Variants in SPOCK3 observed in about 807,000 individuals in gnomAD.
SPOCK3 encodes the protein SPARC (osteonectin), cwcv and kazal like domains proteoglycan 3.
SPOCK3 carries 30 observed loss-of-function variants against 56.6 expected under a neutral mutation model. The observed-to-expected ratio is 0.53, with a 90% CI of 0.40 to 0.72. The LOEUF is 0.72. SPOCK3 is among the 30% of genes least tolerant of loss of function. The probability of loss-of-function intolerance (pLI) is 0.00; values close to 1 mark genes in which losing one functional copy is unlikely to be tolerated. For synonymous variants in SPOCK3, 196 were observed against 183.3 expected, an observed-to-expected ratio of 1.07 and a Z score of -0.56; for missense variants, 527 against 530.0, an observed-to-expected ratio of 0.99 and a Z score of 0.06.
chr4:167,168,627 C>G (rs1174099076), intron 2 of SPOCK3, among the ~76,000 whole-genome samples: 1 of 152,180 alleles, frequency 6.6e-6, no homozygotes, highest in African/African-American at 2.4e-5. Context: ...AAAGGAGAAG[C>G]AGGGCATACA....
rs541632912 is a variant in SPOCK3, at chr4:166,767,642, G to C, written c.710-12913C>G. Among the ~76,000 whole-genome samples the C allele has an allele frequency of 8.1e-4, 124 of 152,310 alleles. No individual in the cohort carries two copies. The South Asian group carries it at 0.02, about 24-fold the overall frequency. ...TGAATTTTGGAATAAGTGCCATGTG[G>C]TGCTGAGAAGAATGTATATTCTGTT... On this transcript the variant is annotated intron_variant, in intron 7 of 10. Transcript: ENST00000357545.
chr4:167,063,771 G>C (rs933572935), intron 2 of SPOCK3, among the ~76,000 whole-genome samples: 3 of 151,720 alleles, frequency 2.0e-5, no homozygotes, highest in Admixed American at 6.6e-5. Context: ...GAGAACATGA[G>C]GTATTTGACT....
chr4:166,988,133 T>C (rs1297147264), intron 4 of SPOCK3, among the ~76,000 whole-genome samples: 1 of 152,104 alleles, frequency 6.6e-6, no homozygotes, highest in Admixed American at 6.6e-5. Flanking sequence ...ATGATGGTTC[T>C]AGAGCTGAGA....
chr4:167,007,051 C>G (rs1237833623), intron 3 of SPOCK3, among the ~76,000 whole-genome samples: 3 of 152,158 alleles, frequency 2.0e-5, no homozygotes, highest in Non-Finnish European at 4.4e-5. Flanking sequence ...TTCTCCATCA[C>G]CAGAGCCTTC....
chr4:167,099,308 A>G lies in SPOCK3; in HGVS notation c.190-36771T>C, dbSNP rs145864625. Among the ~76,000 whole-genome samples the G allele has an allele frequency of 1.7e-3, 264 of 152,138 alleles. 2 individuals carry two copies. Among genetic ancestry groups the G allele is most frequent in the African/African-American group, 5.8e-3 (240 of 41,564 alleles). Reference sequence around the variant, plus strand: ...ATATTTTAAAATATTGGAATTAAATATAGCAGATCTAACAGCATATATAAT... The same window carrying G: ...ATATTTTAAAATATTGGAATTAAATGTAGCAGATCTAACAGCATATATAAT... On this transcript the variant is annotated intron_variant, in intron 2 of 10. Coordinates refer to ENST00000357545, the MANE Select transcript of SPOCK3 (RefSeq NM_001040159.2).
chr4:166,794,210 C>CAAAAAAAAAAA (rs10710162), intron 6 of SPOCK3, among the ~76,000 whole-genome samples: 2 of 73,612 alleles, frequency 2.7e-5, no homozygotes, highest in East Asian at 4.3e-4. Flanking sequence ...GGTGATAAGG[C>CAAAAAAAAAAA]AAAAAAAAAA....
intron 6 of SPOCK3, among the ~76,000 whole-genome samples, chr4:166,833,997 G>A (rs763968590): frequency 5.9e-5 from 9 of 152,108 alleles, no homozygotes; most frequent in Admixed American, 2.6e-4. Context: ...TGGCTAAGAC[G>A]GTTTCCAATA....
At chr4:167,053,864 C>A (rs553306437) in intron 3 of SPOCK3, among the ~76,000 whole-genome samples, 1 of 151,992 alleles carries the variant, frequency 6.6e-6, no homozygotes, top group African/African-American at 2.4e-5. Flanking sequence ...ACTTCTTGCC[C>A]CTAATTCAAC....
chr4:167,064,458 C>A (rs910012330), intron 2 of SPOCK3, among the ~76,000 whole-genome samples: 4 of 151,712 alleles, frequency 2.6e-5, no homozygotes, highest in African/African-American at 9.7e-5. Flanking sequence ...ATTAGACTTT[C>A]AAATTAAATT....
chr4:166,953,484 G>C (rs1329545920), intron 4 of SPOCK3, among the ~76,000 whole-genome samples: 2 of 151,450 alleles, frequency 1.3e-5, no homozygotes, highest in South Asian at 4.2e-4. Context: ...TACACTGTTG[G>C]TGGGACTGTA....
At chr4:166,899,456 G>A (rs981606871) in intron 5 of SPOCK3, among the ~76,000 whole-genome samples, 12 of 151,006 alleles carry the variant, frequency 7.9e-5, no homozygotes, top group African/African-American at 1.5e-4. Context: ...CAGAAGAGAT[G>A]GCTGATAAAC....
intron 2 of SPOCK3, among the ~76,000 whole-genome samples, chr4:167,134,105 T>C (rs960723305): frequency 6.8e-6 from 1 of 146,184 alleles, no homozygotes; most frequent in Non-Finnish European, 1.5e-5. Flanking sequence ...CTTGGCTCAC[T>C]GCAACCTCCG....
At chr4:166,958,785 T>A (rs1473368974) in intron 4 of SPOCK3, among the ~76,000 whole-genome samples, 1 of 152,158 alleles carries the variant, frequency 6.6e-6, no homozygotes, top group Non-Finnish European at 1.5e-5. Context: ...GAACCTAAGG[T>A]CTGTGATGGC....
intron 3 of SPOCK3, among the ~76,000 whole-genome samples, chr4:167,055,020 G>A (rs1754639668): frequency 6.6e-6 from 1 of 152,038 alleles, no homozygotes; most frequent in Non-Finnish European, 1.5e-5. Flanking sequence ...GCTTTATGGT[G>A]CATTCTATGG....
chr4:167,225,560 T>G (rs2111140399), intron 2 of SPOCK3, among the ~76,000 whole-genome samples: 1 of 152,190 alleles, frequency 6.6e-6, no homozygotes, highest in South Asian at 2.1e-4. Flanking sequence ...TTAAGCAAAA[T>G]TATATAATCA....
chr4:167,112,790 C>T (rs1476398130), intron 2 of SPOCK3, among the ~76,000 whole-genome samples: 2 of 151,598 alleles, frequency 1.3e-5, no homozygotes, highest in Non-Finnish European at 2.9e-5. Context: ...GGAGAGACCC[C>T]ATCAAAAATT....
Position 167,168,223 on chromosome 4 carries a change from G to A in SPOCK3, c.189+65762C>T, listed in dbSNP as rs186666599. On this transcript the variant is annotated intron_variant, in intron 2 of 10. Transcript: ENST00000357545. ...CAGTAAATTGGTACTGGTAGAGTGC[G>A]GTGCTGCTGTAAATATACCCAAAAA... is the stretch of plus-strand genomic sequence containing the variant. 1.8e-4 allele frequency among the ~76,000 whole-genome samples: 27 copies of A among 152,226 alleles called. No homozygotes were observed. The East Asian group carries it at 3.7e-3, about 21-fold the overall frequency.
chr4:167,062,365 T>A, intron 3 of SPOCK3, 127 bp downstream of exon 3: 1 of 566,224 alleles, frequency 1.8e-6, no homozygotes, highest in Non-Finnish European at 3.0e-6. Flanking sequence ...ATTGCACAAA[T>A]TTTTCCATTC....
At chr4:166,748,651 T>C (rs1446187559) in intron 8 of SPOCK3, among the ~76,000 whole-genome samples, 1 of 137,184 alleles carries the variant, frequency 7.3e-6, no homozygotes, top group Admixed American at 7.0e-5. Flanking sequence ...CTAATTAAAC[T>C]TAAGATCTTC....
Sources: gnomAD v4.1 joint callset for allele counts (sites outside exome capture counted in the v4.1 genomes callset) on GRCh38, gnomAD v4.1.1 for gene constraint, MANE v1.5 for transcripts, NCBI Gene and HGNC (gene_info 2026-07-23, HGNC 2026-07-21) for gene names.